The following STK4 variants were observed in gnomAD, a reference collection of about 807,000 sequenced individuals.
STK4 encodes the protein serine/threonine-protein kinase 4.
Under a neutral mutation model 64.9 loss-of-function variants are expected in STK4, and 30 were observed. The ratio of observed to expected loss-of-function variants is 0.46; its 90% confidence interval spans 0.35 to 0.63. STK4 has a LOEUF of 0.63. Ranked by LOEUF, STK4 falls within the 20% of genes least tolerant of loss-of-function variation. The pLI is 0.01. For missense variants in STK4, 466 were observed against 598.5 expected (o/e 0.78, Z 2.31); for synonymous variants, 177 against 199.0 (o/e 0.89, Z 0.93).
intron 5 of STK4, 115 bp from the exon 6 acceptor site, chr20:44,994,975 G>A (rs1601225036): frequency 3.3e-6 from 3 of 907,152 alleles, no homozygotes; most frequent in East Asian, 5.9e-5. Context: ...TGTTGGAAAA[G>A]CCTCTTTTTC....
intron 4 of STK4, among the ~76,000 whole-genome samples, chr20:44,983,331 G>A (rs1250016653): frequency 6.6e-6 from 1 of 152,194 alleles, no homozygotes; most frequent in Non-Finnish European, 1.5e-5. Context: ...GGCTGGGTGT[G>A]GTACCTCATG....
intron 2 of STK4, among the ~76,000 whole-genome samples, chr20:44,976,735 A>G (rs1476613344): frequency 2.6e-5 from 4 of 152,240 alleles, no homozygotes; most frequent in Non-Finnish European, 5.9e-5. Context: ...TGGCTAACCA[A>G]TAAAGACATT....
intron 10 of STK4, among the ~76,000 whole-genome samples, chr20:45,054,595 G>GA (rs1027098263): frequency 2.2e-5 from 3 of 134,470 alleles, no homozygotes; most frequent in African/African-American, 8.5e-5. Context: ...AAAAAAAAAG[G>GA]AAAAAGTACA....
chr20:45,011,708 C>T (rs6073600), intron 9 of STK4, among the ~76,000 whole-genome samples: 18 of 86,874 alleles, frequency 2.1e-4, no homozygotes, highest in South Asian at 3.6e-4. Flanking sequence ...GTAGAACATA[C>T]ATATATATAT....
chr20:45,067,919 G>A (rs1979722087), intron 10 of STK4, among the ~76,000 whole-genome samples: 1 of 152,174 alleles, frequency 6.6e-6, no homozygotes, highest in Non-Finnish European at 1.5e-5. Context: ...GTGCCTCTGT[G>A]TATGTGGTAT....
At chr20:45,061,630 G>T (rs1466015049) in intron 10 of STK4, among the ~76,000 whole-genome samples, 1 of 149,910 alleles carries the variant, frequency 6.7e-6, no homozygotes, top group African/African-American at 2.5e-5. Context: ...AGGTTCAGGG[G>T]TACATGTGCA....
At chr20:44,993,462 T>G (rs2903772) in intron 5 of STK4, among the ~76,000 whole-genome samples, 66,732 of 152,000 alleles carry the variant, frequency 0.44, 15,266 homozygotes, top group Middle Eastern at 0.54. Flanking sequence ...ATTTTGACTA[T>G]CACCATTTGA....
rs1980629399 is a variant in STK4, at chr20:45,077,762, C to T, written c.*2586C>T. 1 of 152,192 alleles carries T rather than the reference C, an allele frequency of 6.6e-6. No homozygotes were observed. Among genetic ancestry groups the T allele is most frequent in the African/African-American group, 2.4e-5 (1 of 41,446 alleles). 9.4% of individuals were successfully genotyped at this position (152,192 alleles called of 1,614,324 possible). ...AAAGCCCATTTTCTCCCTTCCTAAG[C>T]TAGATCCAAATAAAAGAAAGTTCAG... On this transcript the variant is annotated 3_prime_UTR_variant, in exon 11 of 11. Coordinates refer to ENST00000372806, the MANE Select transcript of STK4 (RefSeq NM_006282.5).
chr20:45,012,342 A>G (rs1484326290), intron 9 of STK4, among the ~76,000 whole-genome samples: 1 of 152,130 alleles, frequency 6.6e-6, no homozygotes, highest in Non-Finnish European at 1.5e-5. Flanking sequence ...CCTCTCCCAT[A>G]TAAATTTTAG....
intron 10 of STK4, among the ~76,000 whole-genome samples, chr20:45,049,104 T>C (rs2068739749): frequency 6.6e-6 from 1 of 152,094 alleles, no homozygotes; most frequent in Non-Finnish European, 1.5e-5. Flanking sequence ...CAGAGAGAGC[T>C]GTATGGGATC....
chr20:44,987,775 A>G (rs1007259778), intron 5 of STK4, among the ~76,000 whole-genome samples: 3 of 152,096 alleles, frequency 2.0e-5, no homozygotes, highest in African/African-American at 7.2e-5. Context: ...GAAAAAAAAA[A>G]ACTTGTTTTC....
chr20:45,014,884 A>G (rs1038498571), intron 9 of STK4, among the ~76,000 whole-genome samples: 1 of 152,224 alleles, frequency 6.6e-6, no homozygotes, highest in Non-Finnish European at 1.5e-5. Context: ...CCCCTGACCA[A>G]GCCTTCAAAT....
chr20:44,996,604 A>G (rs1168285630), intron 6 of STK4, among the ~76,000 whole-genome samples: 1 of 152,224 alleles, frequency 6.6e-6, no homozygotes, highest in African/African-American at 2.4e-5. Context: ...GAAATTTAAT[A>G]AATAATAGTC....
intron 10 of STK4, among the ~76,000 whole-genome samples, chr20:45,045,199 G>A (rs1370827609): frequency 6.6e-6 from 1 of 152,222 alleles, no homozygotes; most frequent in Non-Finnish European, 1.5e-5. Context: ...GATCTAGGTA[G>A]CATTTAATAT....
intron 5 of STK4, among the ~76,000 whole-genome samples, chr20:44,991,661 CT>C (rs906079731): frequency 1.2e-3 from 178 of 146,458 alleles, no homozygotes; most frequent in African/African-American, 3.3e-3. Flanking sequence ...GAATGTTGTA[CT>C]TTTTTTTTTT....
rs771492682 is a variant in STK4 at position 45,075,095 on chromosome 20, G to C, written c.1383G>C (p.Glu461Asp). The change falls in exon 11 of 11, where the codon GAG becomes GAC. Residue 461 changes from glutamate to aspartate, a missense_variant. Physicochemically the swap from Glu to Asp is conservative, Grantham distance 45 (BLOSUM62 2). Around this residue, in one of 2 missense-constraint regions of STK4, gnomAD observed 276 missense variants for 308.9 expected, o/e 0.89. Transcript: ENST00000372806. ...LDPMMEQEIEEIRQKYQSKRQ... is the reference protein window; with the variant it reads ...LDPMMEQEIEDIRQKYQSKRQ... ...CCATGATGGAGCAGGAGATTGAAGA[G>C]ATCCGGCAGAAGTACCAGTCCAAGC... 2.6e-5 allele frequency: 42 copies of C among 1,614,214 alleles called. No individual in the cohort carries two copies. Among genetic ancestry groups the C allele is most frequent in the Non-Finnish European group, 3.4e-5 (40 of 1,180,048 alleles).
chr20:45,007,212 T>A (rs1239827414), intron 9 of STK4, among the ~76,000 whole-genome samples: 1 of 152,192 alleles, frequency 6.6e-6, no homozygotes, highest in East Asian at 1.9e-4. Flanking sequence ...GATTGTTGCT[T>A]GTTCATGGTC....
intron 10 of STK4, among the ~76,000 whole-genome samples, chr20:45,026,318 A>C (rs1411560267): frequency 2.7e-5 from 4 of 145,688 alleles, no homozygotes. Context: ...AGACAGAAAG[A>C]GTGTGTGTGT....
intron 1 of STK4, among the ~76,000 whole-genome samples, chr20:44,971,665 C>CTTTTTTTT (rs71197585): frequency 3.3e-5 from 3 of 90,372 alleles, no homozygotes; most frequent in Non-Finnish European, 6.3e-5. Flanking sequence ...AGCCACATGA[C>CTTTTTTTT]TTTTTTTTTT....
Sources: allele counts gnomAD v4.1 joint callset (sites outside exome capture counted in the v4.1 genomes callset), GRCh38; gene constraint gnomAD v4.1.1; regional missense constraint gnomAD v4.1.1; transcripts MANE v1.5; gene names NCBI Gene and HGNC (gene_info 2026-07-23, HGNC 2026-07-21).